Variants in COLGALT2 observed in about 807,000 individuals in gnomAD.
COLGALT2 encodes the protein procollagen galactosyltransferase 2.
COLGALT2 carries 49 observed loss-of-function variants against 73.4 expected under a neutral mutation model. That is an observed-to-expected ratio of 0.67 (90% confidence interval 0.53 to 0.85). The LOEUF (loss-of-function observed/expected upper bound fraction) is 0.85, where lower values mean the gene tolerates loss of function less well. Among genes scored for constraint, COLGALT2 ranks in the 40% least tolerant of loss-of-function variants. The pLI is 0.00. For missense variants in COLGALT2, 722 were observed against 790.2 expected (o/e 0.91, Z 1.03); for synonymous variants, 295 against 307.6 (o/e 0.96, Z 0.43).
chr1:183,952,338 G>A (rs1002513360), intron 7 of COLGALT2, among the ~76,000 whole-genome samples: 1 of 152,106 alleles, frequency 6.6e-6, no homozygotes, highest in African/African-American at 2.4e-5. Flanking sequence ...CTAACCATCT[G>A]GATGACTTTG....
In COLGALT2 at chr1:183,937,259, G is replaced by A; in HGVS notation, c.*1502C>T. 1.7e-6 allele frequency: 2 copies of A among 1,174,650 alleles called. No individual in the cohort carries two copies. The highest frequency in any genetic ancestry group is 2.1e-6 in the Non-Finnish European group (2 of 952,254). The allele number at this position is 1,174,650 out of a possible 1,614,324, so 72.8% of individuals were successfully genotyped here. On this transcript the variant is annotated 3_prime_UTR_variant, in exon 12 of 12. Transcript: ENST00000361927. ...GGTGCATGGACAGTGATGAGGAACGGTGCTGGTATGGGATGCCTGGGAGGG... is the reference window on the plus strand; with the variant it reads ...GGTGCATGGACAGTGATGAGGAACGATGCTGGTATGGGATGCCTGGGAGGG...
chr1:184,017,916 G>A (rs1042973537), intron 1 of COLGALT2, among the ~76,000 whole-genome samples: 7 of 152,018 alleles, frequency 4.6e-5, no homozygotes, highest in African/African-American at 1.4e-4. Flanking sequence ...TTGTGAGCTC[G>A]GAATGAGTTA....
At chr1:184,010,304 T>C (rs1007106650) in intron 1 of COLGALT2, among the ~76,000 whole-genome samples, 1 of 152,204 alleles carries the variant, frequency 6.6e-6, no homozygotes, top group Non-Finnish European at 1.5e-5. Context: ...ATATTGGCAA[T>C]TTAAAAAGAG....
chr1:183,963,121 G>A (rs1670761334), intron 6 of COLGALT2, among the ~76,000 whole-genome samples: 2 of 152,186 alleles, frequency 1.3e-5, no homozygotes, highest in African/African-American at 4.8e-5. Flanking sequence ...ATAATAAAAA[G>A]CATAGCTACT....
At chr1:183,974,841 C>A (rs1161767579) in intron 3 of COLGALT2, among the ~76,000 whole-genome samples, 6 of 152,182 alleles carry the variant, frequency 3.9e-5, no homozygotes, top group Admixed American at 3.9e-4. Flanking sequence ...GTTCTTATGC[C>A]TGTTGCATGG....
intron 1 of COLGALT2, among the ~76,000 whole-genome samples, chr1:184,036,843 A>G (rs1649695705): frequency 6.6e-6 from 1 of 152,120 alleles, no homozygotes; most frequent in African/African-American, 2.4e-5. Flanking sequence ...TACCCTCCAG[A>G]GCTCCAGCGG....
At chr1:183,961,654 G>C (rs1218413386) in intron 6 of COLGALT2, among the ~76,000 whole-genome samples, 3 of 152,164 alleles carry the variant, frequency 2.0e-5, no homozygotes, top group Non-Finnish European at 2.9e-5. Context: ...CAGTGTCTAA[G>C]TTCAAGCCCA....
chr1:183,992,736 G>A (rs1184591691), intron 1 of COLGALT2, among the ~76,000 whole-genome samples: 1 of 152,188 alleles, frequency 6.6e-6, no homozygotes, highest in Admixed American at 6.5e-5. Flanking sequence ...ATTTCATCTG[G>A]TGACTTTGGA....
chr1:183,987,499 C>T (rs148907011), intron 1 of COLGALT2, among the ~76,000 whole-genome samples: 88 of 152,378 alleles, frequency 5.8e-4, no homozygotes, highest in Non-Finnish European at 1.1e-3. Context: ...AATTATGCAT[C>T]ACTAGCTTGC....
chr1:183,962,433 A>G (rs1572641170), intron 6 of COLGALT2, among the ~76,000 whole-genome samples: 1 of 152,042 alleles, frequency 6.6e-6, no homozygotes, highest in African/African-American at 2.4e-5. Flanking sequence ...TGCTGGGATT[A>G]CAGCCATGAG....
rs144392093 is a variant in COLGALT2 at position 184,007,745 on chromosome 1, C to A, written c.264-29225G>T. Among the ~76,000 whole-genome samples, 210 of 152,252 alleles carry A rather than the reference C, an allele frequency of 1.4e-3. 1 individual carries two copies. The highest frequency in any genetic ancestry group is 4.8e-3 in the African/African-American group (200 of 41,550). On this transcript the variant is annotated intron_variant, in intron 1 of 11. Transcript: ENST00000361927. ...TGAAATTGGTTCACAGTGGCCATGG[C>A]CCCCAGGGTCCTCAAGCTTATCCCA...
At chr1:184,015,080 G>A (rs1471935899) in intron 1 of COLGALT2, among the ~76,000 whole-genome samples, 2 of 149,528 alleles carry the variant, frequency 1.3e-5, no homozygotes, top group African/African-American at 5.0e-5. Context: ...TCTGGGATTG[G>A]GCTTTTTCTA....
At position 183,937,168 on chromosome 1, in the gene COLGALT2, C is replaced by T; in HGVS notation, c.*1593G>A. On this transcript the variant is annotated 3_prime_UTR_variant, in exon 12 of 12. Coordinates refer to ENST00000361927, the MANE Select transcript of COLGALT2 (RefSeq NM_015101.4). Reference sequence around the variant, plus strand: ...GCCTGTGGACTCTGCTCTGAAGGGCCCTCCCCATGAGTTTAAGTGTGAAGC... The same window carrying T: ...GCCTGTGGACTCTGCTCTGAAGGGCTCTCCCCATGAGTTTAAGTGTGAAGC... The T allele has an allele frequency of 8.1e-7, 1 of 1,227,392 alleles. No individual in the cohort carries two copies. Among genetic ancestry groups the T allele is most frequent in the East Asian group, 3.2e-5 (1 of 31,482 alleles). The allele number at this position is 1,227,392 out of a possible 1,614,324, so 76.0% of individuals were successfully genotyped here. A position where few individuals can be genotyped will look rare whatever the true frequency, so the allele number is the denominator to read the frequency against.
intron 6 of COLGALT2, among the ~76,000 whole-genome samples, chr1:183,962,982 C>A (rs1293245690): frequency 6.6e-6 from 1 of 151,050 alleles, no homozygotes. Context: ...CCACTGCCCA[C>A]GTTCACACCC....
At chr1:183,992,955 G>A (rs1176074868) in intron 1 of COLGALT2, among the ~76,000 whole-genome samples, 2 of 152,152 alleles carry the variant, frequency 1.3e-5, no homozygotes, top group Non-Finnish European at 2.9e-5. Flanking sequence ...CATGAGGGCA[G>A]GGATATGTCT....
intron 5 of COLGALT2, 51 bp from the exon 6 acceptor site, chr1:183,964,071 A>C: frequency 6.3e-7 from 1 of 1,599,294 alleles, no homozygotes; most frequent in Non-Finnish European, 8.5e-7. Flanking sequence ...CATACTGCTG[A>C]GTGACAAGCG....
intron 1 of COLGALT2, among the ~76,000 whole-genome samples, chr1:184,017,905 G>C (rs1041048917): frequency 2.6e-5 from 4 of 152,168 alleles, no homozygotes; most frequent in African/African-American, 4.8e-5. Flanking sequence ...TCACAGGGCT[G>C]TTGTGAGCTC....
chr1:184,031,517 G>A (rs190241224), intron 1 of COLGALT2, among the ~76,000 whole-genome samples: 13 of 152,288 alleles, frequency 8.5e-5, no homozygotes, highest in East Asian at 3.9e-4. Flanking sequence ...AAACACTAGC[G>A]TTCTTATCTT....
chr1:183,990,106 T>A (rs1343079241), intron 1 of COLGALT2, among the ~76,000 whole-genome samples: 1 of 152,254 alleles, frequency 6.6e-6, no homozygotes, highest in Non-Finnish European at 1.5e-5. Flanking sequence ...CAAGGACTGC[T>A]AATTATCTCA....
Sources: gnomAD v4.1 joint callset for allele counts (sites outside exome capture counted in the v4.1 genomes callset) on GRCh38, gnomAD v4.1.1 for gene constraint, MANE v1.5 for transcripts, NCBI Gene and HGNC (gene_info 2026-07-23, HGNC 2026-07-21) for gene names.